VIL1: variants seen among roughly 807,000 people sequenced by gnomAD.
VIL1 encodes villin-1.
Under a neutral mutation model 104.0 loss-of-function variants are expected in VIL1, and 86 were observed. The ratio of observed to expected loss-of-function variants is 0.83; its 90% CI spans 0.69 to 0.99. The LOEUF (loss-of-function observed/expected upper bound fraction) is 0.99. VIL1 is among the 50% of genes least tolerant of loss of function. VIL1 has a pLI of 0.00. For synonymous variants in VIL1, 394 were observed against 412.6 expected (o/e 0.95, Z 0.55); for missense variants, 944 against 1,054.1 (o/e 0.90, Z 1.45).
intron 19 of VIL1, among the ~76,000 whole-genome samples, chr2:218,441,205 A>C (rs1689278804): frequency 1.3e-5 from 2 of 152,004 alleles, no homozygotes; most frequent in Non-Finnish European, 2.9e-5. Flanking sequence ...CCTGACCAAT[A>C]TGGGGAAACC....
chr2:218,437,374 T>G, intron 17 of VIL1, 62 bp downstream of exon 17: 1 of 1,565,466 alleles, frequency 6.4e-7, no homozygotes, highest in Non-Finnish European at 8.7e-7. Flanking sequence ...TGCTGATTCC[T>G]GCAGGCCATT....
Position 218,425,604 on chromosome 2 carries a change from C to A in VIL1, c.151-11C>A, listed in dbSNP as rs765545536. The A allele has an allele frequency of 1.2e-5, 19 of 1,613,588 alleles. No individual in the cohort carries two copies. Among genetic ancestry groups the A allele is most frequent in the South Asian group, 1.1e-4 (10 of 91,008 alleles). On this transcript the variant is annotated splice_polypyrimidine_tract_variant and intron_variant, in intron 3 of 19. Transcript: ENST00000248444. ...CCAGGGTCTCGGGTACACTGGACAC[C>A]TTTTCCCTAGATCCACAAGACAGCC...
rs1689151398 is a variant in VIL1, at chr2:218,434,405, G to A, written c.1501-121G>A. 5.2e-6 allele frequency: 5 copies of A among 963,418 alleles called. 1 individual carries two copies. In the South Asian group the frequency reaches 8.5e-5, roughly 16 times the overall value. 59.7% of individuals were successfully genotyped at this position (963,418 alleles called of 1,614,324 possible). A position where few individuals can be genotyped will look rare whatever the true frequency, so the allele number is the denominator to read the frequency against. ...AATGTTTTAGAAAGACCTGGTGACGGAGCATCAGAGGAGCTCAGGGGCAAA... is the reference window on the plus strand; with the variant it reads ...AATGTTTTAGAAAGACCTGGTGACGAAGCATCAGAGGAGCTCAGGGGCAAA... On this transcript the variant is annotated intron_variant, in intron 13 of 19. Transcript: ENST00000248444.
intron 19 of VIL1, among the ~76,000 whole-genome samples, chr2:218,442,355 A>T (rs1689298845): frequency 1.3e-5 from 2 of 152,188 alleles, no homozygotes; most frequent in Non-Finnish European, 2.9e-5. Flanking sequence ...ACCAGGGCAG[A>T]GATATGAATT....
At chr2:218,435,753 A>T (rs1689178392) in intron 15 of VIL1, among the ~76,000 whole-genome samples, 1 of 152,184 alleles carries the variant, frequency 6.6e-6, no homozygotes, top group Non-Finnish European at 1.5e-5. Flanking sequence ...CAGTAACAAG[A>T]TGCCAGAGGC....
intron 4 of VIL1, 49 bp from the exon 5 acceptor site, chr2:218,427,916 G>A: frequency 1.9e-6 from 3 of 1,570,942 alleles, no homozygotes; most frequent in Non-Finnish European, 2.6e-6. Context: ...ACAGGGGCCA[G>A]GCACACCTCC....
chr2:218,424,317 G>T lies in VIL1; in HGVS notation c.116G>T (p.Ser39Ile). ...CCTGTTCCTTCCAGCACCTTTGGAA[G>T]CTTCTTCGATGGTGACTGCTACATC... ...MVPVPSSTFG[S>I]FFDGDCYIIL... is the part of the protein sequence containing the mutation. Residue 39 changes from serine (S) to isoleucine (I), a missense_variant, in exon 3 of 20, where the codon AGC (serine) becomes ATC (isoleucine). Transcript: ENST00000248444. 1 of 1,614,042 alleles carries T rather than the reference G, an allele frequency of 6.2e-7. No homozygotes were observed. Among genetic ancestry groups the T allele is most frequent in the Non-Finnish European group, 8.5e-7 (1 of 1,180,036 alleles).
At position 218,449,310 on chromosome 2, in the gene VIL1, C is replaced by T; in HGVS notation, c.2458C>T (p.Leu820Phe). 6.2e-7 allele frequency: 1 copy of T among 1,613,796 alleles called. No individual in the cohort carries two copies. The highest frequency in any genetic ancestry group is 8.5e-7 in the Non-Finnish European group (1 of 1,179,772). ...TCTGCCTCGATGGAAGCAACAAAACCTCAAGAAAGAAAAAGGACTATTTTG... is the reference window on the plus strand; with the variant it reads ...TCTGCCTCGATGGAAGCAACAAAACTTCAAGAAAGAAAAAGGACTATTTTG... ...SALPRWKQQN[L>F]KKEKGLF is the part of the protein sequence containing the mutation. Residue 820 changes from leucine to phenylalanine, a missense_variant, in exon 20 of 20, where the codon CTC becomes TTC. Coordinates refer to ENST00000248444, the MANE Select transcript of VIL1 (RefSeq NM_007127.3).
In VIL1 at chr2:218,435,273, C is replaced by A. The variant is rs1396806748; in HGVS notation, c.1681-16C>A. ...AGGGGTGGCACTAGAAATTAGCCAA[C>A]TCTTTTTTTTCCTAGGGTTGTAGCG... On this transcript the variant is annotated splice_polypyrimidine_tract_variant and intron_variant, in intron 14 of 19. Transcript: ENST00000248444. 2 of 1,610,860 alleles carry A rather than the reference C, an allele frequency of 1.2e-6. No homozygotes were observed. Among genetic ancestry groups the A allele is most frequent in the Non-Finnish European group, 1.7e-6 (2 of 1,177,654 alleles).
chr2:218,438,555 T>C, intron 17 of VIL1, 103 bp from the exon 18 acceptor site: 1 of 1,084,858 alleles, frequency 9.2e-7, no homozygotes, highest in Non-Finnish European at 1.4e-6. Context: ...TTCTTACCAC[T>C]AGGCCCCAGA....
chr2:218,435,426 C>A lies in VIL1; in HGVS notation c.1818C>A (p.Asn606Lys). 6.2e-7 allele frequency: 1 copy of A among 1,613,770 alleles called. No homozygotes were observed. The highest frequency in any genetic ancestry group is 1.1e-5 in the South Asian group (1 of 91,028). Residue 606 changes from asparagine (N) to lysine (K), a missense_variant, in exon 15 of 20, where the codon AAC (asparagine) becomes AAA (lysine). Physicochemically the swap from Asn to Lys is moderately conservative, Grantham distance 94. Transcript: ENST00000248444. Reference sequence around the variant, plus strand: ...TGGGTGGGAAGGCCCCCTATGCCAACACCAAGAGGTAACTCTCAGGTCCCT... The same window carrying A: ...TGGGTGGGAAGGCCCCCTATGCCAAAACCAAGAGGTAACTCTCAGGTCCCT... ...MALGGKAPYA[N>K]TKRLQEENLV...
intron 13 of VIL1, 65 bp from the exon 14 acceptor site, chr2:218,434,461 C>A: frequency 6.6e-7 from 1 of 1,511,790 alleles, no homozygotes; most frequent in Non-Finnish European, 9.0e-7. Context: ...CCCCTCTGTT[C>A]CCCATCATCT....
chr2:218,441,071 G>A (rs1403734380), intron 19 of VIL1, among the ~76,000 whole-genome samples: 1 of 152,158 alleles, frequency 6.6e-6, no homozygotes, highest in South Asian at 2.1e-4. Flanking sequence ...TGCCAGAAAG[G>A]TGAAGTACAG....
At position 218,428,201 on chromosome 2, in the gene VIL1, TCTGTGCCTCCC is replaced by T; in HGVS notation, c.457-20_457-10del. Reference sequence around the variant, plus strand: ...GATGATAGGTGAGCTCTGAGTGGGGTCTGTGCCTCCCCTGTGGCTCCCTAGGTAGAGATGTC... The same window carrying T: ...GATGATAGGTGAGCTCTGAGTGGGGTCTGTGGCTCCCTAGGTAGAGATGTC... On this transcript the variant is annotated splice_polypyrimidine_tract_variant and intron_variant, in intron 5 of 19. Coordinates refer to ENST00000248444, the MANE Select transcript of VIL1 (RefSeq NM_007127.3). The T allele has an allele frequency of 6.2e-7, 1 of 1,610,402 alleles. No homozygotes were observed. The highest frequency in any genetic ancestry group is 8.5e-7 in the Non-Finnish European group (1 of 1,176,928).
intron 15 of VIL1, 39 bp from the exon 16 acceptor site, chr2:218,436,443 C>A (rs1278641397): frequency 3.1e-6 from 5 of 1,597,478 alleles, no homozygotes; most frequent in Non-Finnish European, 4.3e-6. Flanking sequence ...TTTTGCCACA[C>A]CTTCCTTCTG....
intron 10 of VIL1, 121 bp from the exon 11 acceptor site, chr2:218,431,736 C>T (rs1474255714): frequency 4.9e-6 from 4 of 819,852 alleles, no homozygotes; most frequent in Admixed American, 4.1e-5. Context: ...CTGAATCTCT[C>T]TTGCCTCGGT....
intron 13 of VIL1, among the ~76,000 whole-genome samples, chr2:218,433,156 C>G (rs1689128501): frequency 6.6e-6 from 1 of 152,228 alleles, no homozygotes; most frequent in Admixed American, 6.5e-5. Context: ...TGTAATTGGG[C>G]CGGGCATGGT....
intron 1 of VIL1, among the ~76,000 whole-genome samples, chr2:218,421,317 A>G (rs554828144): frequency 6.6e-6 from 1 of 151,948 alleles, no homozygotes; most frequent in Non-Finnish European, 1.5e-5. Context: ...AGGAGCAGAA[A>G]GAGTCCAGGA....
intron 12 of VIL1, 37 bp downstream of exon 12, chr2:218,432,220 G>C (rs1272878310): frequency 6.3e-7 from 1 of 1,598,170 alleles, no homozygotes; most frequent in African/African-American, 1.3e-5. Context: ...AGCACAGCCG[G>C]CTTAGCTCTG....
Sources: allele counts gnomAD v4.1 joint callset (sites outside exome capture counted in the v4.1 genomes callset), GRCh38; gene constraint gnomAD v4.1.1; transcripts MANE v1.5; gene names NCBI Gene and HGNC (gene_info 2026-07-23, HGNC 2026-07-21).